Variants in PLEKHM3 observed in about 807,000 individuals in gnomAD.
The protein encoded by PLEKHM3 is pleckstrin homology domain containing M3, also known as pleckstrin homology domain-containing family M member 3.
In PLEKHM3, 45 loss-of-function variants were observed where a neutral mutation model predicts 81.8. The ratio of observed to expected loss-of-function variants is 0.55; its 90% CI spans 0.43 to 0.71. The LOEUF is 0.71. Ranked by LOEUF, PLEKHM3 falls within the 30% of genes least tolerant of loss-of-function variation. PLEKHM3 has a pLI of 0.00. For missense variants in PLEKHM3, 788 were observed against 924.3 expected (o/e 0.85, Z 1.91); for synonymous variants, 352 against 356.4 (o/e 0.99, Z 0.14).
At chr2:207,867,731 A>G (rs531566644) in intron 6 of PLEKHM3, among the ~76,000 whole-genome samples, 3 of 152,232 alleles carry the variant, frequency 2.0e-5, no homozygotes, top group Admixed American at 6.5e-5. Context: ...TTATAAATAT[A>G]TTATTTATTT....
At chr2:207,962,924 T>TAAAAA (rs11388264) in intron 3 of PLEKHM3, among the ~76,000 whole-genome samples, 3 of 135,778 alleles carry the variant, frequency 2.2e-5, no homozygotes, top group Non-Finnish European at 4.6e-5. Context: ...AGTCAAAAAT[T>TAAAAA]AAAAAAAAAA....
At chr2:207,899,149 C>T (rs1333486955) in intron 6 of PLEKHM3, among the ~76,000 whole-genome samples, 3 of 152,210 alleles carry the variant, frequency 2.0e-5, no homozygotes, top group African/African-American at 7.2e-5. Context: ...TGTGGCAATG[C>T]TGTCTTCTGA....
At chr2:207,988,664 A>G (rs541491550) in intron 2 of PLEKHM3, among the ~76,000 whole-genome samples, 12 of 152,130 alleles carry the variant, frequency 7.9e-5, no homozygotes, top group African/African-American at 2.6e-4. Context: ...CCAATATCCC[A>G]AGGTTTACTG....
chr2:207,998,061 G>A (rs540213550), intron 2 of PLEKHM3, among the ~76,000 whole-genome samples: 34 of 152,138 alleles, frequency 2.2e-4, no homozygotes, highest in Admixed American at 1.6e-3. Flanking sequence ...TCCAGCCTGA[G>A]AATGGGTGGC....
At chr2:207,887,536 A>G (rs1314606040) in intron 6 of PLEKHM3, among the ~76,000 whole-genome samples, 1 of 152,234 alleles carries the variant, frequency 6.6e-6, no homozygotes, top group Non-Finnish European at 1.5e-5. Context: ...GAATTAACAT[A>G]GGATTTAATT....
intron 6 of PLEKHM3, among the ~76,000 whole-genome samples, chr2:207,877,778 C>T (rs1195277777): frequency 6.6e-6 from 1 of 152,198 alleles, no homozygotes; most frequent in Admixed American, 6.5e-5. Context: ...CTCCTGTCCT[C>T]TAGTTTCAAC....
At chr2:207,865,801 A>AAAAAAAAAAAAAAAATATATATATAT in intron 6 of PLEKHM3, among the ~76,000 whole-genome samples, 1 of 25,300 alleles carries the variant, frequency 4.0e-5, no homozygotes, top group Non-Finnish European at 7.6e-5. Flanking sequence ...AAAAAAAAAA[A>AAAAAAAAAAAAAAAATATATATATAT]AGATATATAT....
In PLEKHM3 at chr2:207,912,976, T is replaced by A. The variant is rs928456023; in HGVS notation, c.1887-4399A>T. On this transcript the variant is annotated intron_variant, in intron 5 of 7. Coordinates refer to ENST00000427836, the MANE Select transcript of PLEKHM3 (RefSeq NM_001080475.3). Reference sequence around the variant, plus strand: ...AAGTGTGGGCCCCGGCAGCTTCCCATCTGGGTGATTCCAAGGGCTTTCCTC... The same window carrying A: ...AAGTGTGGGCCCCGGCAGCTTCCCAACTGGGTGATTCCAAGGGCTTTCCTC... Among the ~76,000 whole-genome samples the A allele has an allele frequency of 9.2e-5, 14 of 152,284 alleles. No homozygotes were observed. In the East Asian group the frequency reaches 2.1e-3, roughly 23 times the overall value.
chr2:207,940,326 T>C (rs1689897717), intron 4 of PLEKHM3, among the ~76,000 whole-genome samples: 1 of 152,218 alleles, frequency 6.6e-6, no homozygotes, highest in African/African-American at 2.4e-5. Flanking sequence ...TTTAGGTAAA[T>C]ATGTGAAATT....
chr2:207,942,566 T>C (rs1021513736), intron 4 of PLEKHM3, among the ~76,000 whole-genome samples: 2 of 150,278 alleles, frequency 1.3e-5, no homozygotes, highest in African/African-American at 5.0e-5. Context: ...ATGCAGCAAA[T>C]TCTGTCATTT....
intron 2 of PLEKHM3, among the ~76,000 whole-genome samples, chr2:207,978,831 C>T (rs1454068167): frequency 1.3e-5 from 2 of 152,182 alleles, no homozygotes; most frequent in Non-Finnish European, 2.9e-5. Context: ...CTAAATTATT[C>T]TTCTATCATG....
Position 207,985,431 on chromosome 2 carries a change from A to C in PLEKHM3, c.611-7845T>G, listed in dbSNP as rs761178750. ...AAATACTATTTCATGCTCATCAAAT[A>C]CTTATTAAATTTTATAATAAAAATT... On this transcript the variant is annotated intron_variant, in intron 2 of 7. Coordinates refer to ENST00000427836, the MANE Select transcript of PLEKHM3 (RefSeq NM_001080475.3). Among the ~76,000 whole-genome samples, 5 of 152,042 alleles carry C rather than the reference A, an allele frequency of 3.3e-5. No homozygotes were observed. In the East Asian group the frequency reaches 7.8e-4, roughly 24 times the overall value.
chr2:207,972,185 T>C (rs1691145592), intron 3 of PLEKHM3, among the ~76,000 whole-genome samples: 1 of 152,190 alleles, frequency 6.6e-6, no homozygotes, highest in South Asian at 2.1e-4. Flanking sequence ...AATGACAGAA[T>C]GAATGAAACA....
At position 207,976,760 on chromosome 2, in the gene PLEKHM3, C is replaced by A. The variant is rs1488800599; in HGVS notation, c.1437G>T (p.Gly479=). Residue 479 remains glycine, a synonymous_variant, in exon 3 of 8, where the codon GGG becomes GGT. Transcript: ENST00000427836. The surrounding 1 kb of genome is among the most constrained non-coding windows in gnomAD (Gnocchi z 4.1). ...LRNKPKDQMG[G]HELRKNKRQS... is the part of the protein sequence containing the mutation. The stretch of plus-strand genomic sequence containing the variant: ...GGCGTTTGTTCTTCCTGAGTTCATG[C>A]CCACCCATTTGATCCTTGGGTTTGT... 1.2e-6 allele frequency: 2 copies of A among 1,614,230 alleles called. No homozygotes were observed. The highest frequency in any genetic ancestry group is 1.7e-5 in the Admixed American group (1 of 60,024).
At chr2:207,925,150 T>G (rs1050747886) in intron 5 of PLEKHM3, among the ~76,000 whole-genome samples, 19 of 151,384 alleles carry the variant, frequency 1.3e-4, no homozygotes, top group African/African-American at 3.4e-4. Context: ...GTTTTTTGTT[T>G]TTTTTTTTTA....
At chr2:208,014,115 T>TA (rs1217477855) in intron 1 of PLEKHM3, among the ~76,000 whole-genome samples, 15 of 152,292 alleles carry the variant, frequency 9.8e-5, no homozygotes, top group Admixed American at 6.5e-4. Context: ...CTTTTGGACT[T>TA]AATCTGTGAC....
Position 207,984,735 on chromosome 2 carries a change from G to C in PLEKHM3, c.611-7149C>G, listed in dbSNP as rs140807062. Among the ~76,000 whole-genome samples, 431 of 152,256 alleles carry C rather than the reference G, an allele frequency of 2.8e-3. 2 individuals carry two copies. The highest frequency in any genetic ancestry group is 9.9e-3 in the African/African-American group (413 of 41,544). On this transcript the variant is annotated intron_variant, in intron 2 of 7. Transcript: ENST00000427836. ...AATGAGTTCATATGTTGATTTTGTT[G>C]ACATGTCTTTTAAGTCTTTTTAAAT... is the stretch of plus-strand genomic sequence containing the variant.
intron 1 of PLEKHM3, among the ~76,000 whole-genome samples, chr2:208,016,925 C>T (rs1692942308): frequency 6.6e-6 from 1 of 152,090 alleles, no homozygotes; most frequent in South Asian, 2.1e-4. Flanking sequence ...TACTAAAATC[C>T]ACAGATGCTC....
chr2:207,909,624 T>C (rs973882578), intron 5 of PLEKHM3, among the ~76,000 whole-genome samples: 2 of 152,332 alleles, frequency 1.3e-5, no homozygotes, highest in Admixed American at 1.3e-4. Context: ...ATGGGGTCCA[T>C]ATTTTTTGAG....
Sources: gnomAD v4.1 joint callset for allele counts (sites outside exome capture counted in the v4.1 genomes callset) on GRCh38, gnomAD v4.1.1 for gene constraint, Gnocchi (gnomAD v3.1) non-coding constraint, MANE v1.5 for transcripts, NCBI Gene and HGNC (gene_info 2026-07-23, HGNC 2026-07-21) for gene names.